Variants in TMEM39A observed in about 807,000 individuals in gnomAD.
TMEM39A encodes transmembrane protein 39A, also known as suppressor of SQST-1 aggregates in rpl-43 mutants.
TMEM39A carries 19 observed loss-of-function variants against 51.9 expected under a neutral mutation model. The ratio of observed to expected loss-of-function variants is 0.37; its 90% confidence interval spans 0.26 to 0.54. TMEM39A has a LOEUF of 0.54. Among genes scored for constraint, TMEM39A ranks in the 20% least tolerant of loss-of-function variants. TMEM39A has a pLI of 0.88. For synonymous variants in TMEM39A, 197 were observed against 220.2 expected (o/e 0.89, Z 0.93); for missense variants, 433 against 590.5 (o/e 0.73, Z 2.76).
At chr3:119,432,263 G>A in intron 8 of TMEM39A, 49 bp from the exon 9 acceptor site, 1 of 1,316,840 alleles carries the variant, frequency 7.6e-7, no homozygotes, top group Non-Finnish European at 1.1e-6. Context: ...AAAAGTAATG[G>A]CTACAGTTAT....
intron 3 of TMEM39A, 42 bp from the exon 4 acceptor site, chr3:119,452,572 G>T: frequency 2.0e-6 from 3 of 1,514,064 alleles, no homozygotes; most frequent in Middle Eastern, 1.7e-4. Context: ...GAAATATGAT[G>T]TGTATTCAGC....
intron 4 of TMEM39A, chr3:119,451,415 G>A: frequency 1.4e-6 from 1 of 739,062 alleles, no homozygotes; most frequent in Non-Finnish European, 2.0e-6. Flanking sequence ...TAAGTTCCAA[G>A]ATTAAAATTA....
chr3:119,442,117 G>A (rs990104890), intron 5 of TMEM39A, among the ~76,000 whole-genome samples: 43 of 152,106 alleles, frequency 2.8e-4, no homozygotes, highest in African/African-American at 1.0e-3. Flanking sequence ...GAGGCAGGCG[G>A]AGCACCTGAG....
intron 1 of TMEM39A, 136 bp from the exon 2 acceptor site, chr3:119,462,284 T>G: frequency 2.0e-6 from 1 of 510,942 alleles, no homozygotes. Context: ...ACTACTTACG[T>G]TATTCGAATT....
intron 5 of TMEM39A, among the ~76,000 whole-genome samples, chr3:119,440,391 T>C (rs1296410439): frequency 6.6e-6 from 1 of 152,182 alleles, no homozygotes; most frequent in Non-Finnish European, 1.5e-5. Flanking sequence ...AGTAACATGA[T>C]TAAATTTCCC....
chr3:119,455,502 A>C (rs1050886783), intron 3 of TMEM39A, among the ~76,000 whole-genome samples: 1 of 152,214 alleles, frequency 6.6e-6, no homozygotes. Flanking sequence ...ACTTTCTTGC[A>C]ACTCAGACTC....
rs10653676 is a variant in TMEM39A, at chr3:119,451,830, C to CAAAAA, written c.420+612_420+616dup. 5.3e-3 allele frequency among the ~76,000 whole-genome samples: 288 copies of CAAAAA among 53,842 alleles called. 6 individuals carry two copies. The highest frequency in any genetic ancestry group is 0.019 in the African/African-American group (229 of 12,048). The allele number at this position is 53,842 out of a possible 152,430, so 35.3% of individuals were successfully genotyped here. A position where few individuals can be genotyped will look rare whatever the true frequency, so the allele number is the denominator to read the frequency against. On this transcript the variant is annotated intron_variant, in intron 4 of 8. Coordinates refer to ENST00000319172, the MANE Select transcript of TMEM39A (RefSeq NM_018266.3). ...GGGCAACAAGAGTGAAACTCCGTCT[C>CAAAAA]AAAAAAAAAAAAAAAAAAAAAAGGA...
At chr3:119,434,186 A>T (rs1237107988) in intron 8 of TMEM39A, among the ~76,000 whole-genome samples, 1 of 152,196 alleles carries the variant, frequency 6.6e-6, no homozygotes, top group Non-Finnish European at 1.5e-5. Flanking sequence ...AGGCTGAAAG[A>T]CCAAATAGAT....
intron 5 of TMEM39A, among the ~76,000 whole-genome samples, chr3:119,441,566 C>T (rs12493175): frequency 0.15 from 22,097 of 152,198 alleles, 2,014 homozygotes; most frequent in Admixed American, 0.2. Context: ...AGGTTAACAG[C>T]GGTTAGTTCG....
At chr3:119,446,378 T>C (rs1315197755) in intron 5 of TMEM39A, among the ~76,000 whole-genome samples, 3 of 112,036 alleles carry the variant, frequency 2.7e-5, no homozygotes, top group African/African-American at 7.9e-5. Context: ...ACTAAGCAAC[T>C]AATTGACAGG....
At chr3:119,450,482 T>C (rs964223738) in intron 4 of TMEM39A, among the ~76,000 whole-genome samples, 3 of 152,184 alleles carry the variant, frequency 2.0e-5, no homozygotes, top group Admixed American at 6.5e-5. Flanking sequence ...AAGACTTTGA[T>C]AAAACGATGT....
At chr3:119,440,947 T>C (rs1219984150) in intron 5 of TMEM39A, among the ~76,000 whole-genome samples, 1 of 152,160 alleles carries the variant, frequency 6.6e-6, no homozygotes, top group East Asian at 1.9e-4. Flanking sequence ...TCCCAATATT[T>C]CAAACTTTTT....
chr3:119,450,369 A>G (rs898605434), intron 4 of TMEM39A, among the ~76,000 whole-genome samples: 2 of 152,254 alleles, frequency 1.3e-5, no homozygotes, highest in Non-Finnish European at 2.9e-5. Flanking sequence ...GTCAATACAT[A>G]AACACATTTT....
chr3:119,451,233 T>A, intron 4 of TMEM39A: 1 of 1,280,734 alleles, frequency 7.8e-7, no homozygotes, highest in Non-Finnish European at 1.0e-6. Flanking sequence ...TAACTTCAAA[T>A]GGTTTTCAGA....
chr3:119,434,817 G>A lies in TMEM39A; in HGVS notation c.1178C>T (p.Ala393Val). The A allele has an allele frequency of 6.2e-7, 1 of 1,613,798 alleles. No homozygotes were observed. The highest frequency in any genetic ancestry group is 8.5e-7 in the Non-Finnish European group (1 of 1,179,716). The change falls in exon 8 of 9, where the codon GCC becomes GTC. Residue 393 changes from alanine to valine, a missense_variant. Transcript: ENST00000319172. ...CACTGCCACGTTGTAAGGCCCCATGGCTCTATATAAACATCTGCTGTGCCG... is the reference window on the plus strand; with the variant it reads ...CACTGCCACGTTGTAAGGCCCCATGACTCTATATAAACATCTGCTGTGCCG... ...LVRHSRCLYR[A>V]MGPYNVAVPS... is the part of the protein sequence containing the mutation.
intron 3 of TMEM39A, among the ~76,000 whole-genome samples, chr3:119,454,293 CAA>C (rs2081237242): frequency 6.6e-6 from 1 of 152,174 alleles, no homozygotes; most frequent in South Asian, 2.1e-4. Flanking sequence ...GCCAGAATGT[CAA>C]GAGTGGCTTG....
chr3:119,459,420 G>C (rs1310446484), intron 2 of TMEM39A, among the ~76,000 whole-genome samples: 3 of 152,162 alleles, frequency 2.0e-5, no homozygotes, highest in African/African-American at 7.2e-5. Flanking sequence ...GGCATAAAGA[G>C]GAATAGAAGA....
chr3:119,456,698 C>T (rs977188940), intron 3 of TMEM39A, among the ~76,000 whole-genome samples: 9 of 152,236 alleles, frequency 5.9e-5, no homozygotes, highest in Non-Finnish European at 1.3e-4. Context: ...TCTTGATCTC[C>T]TGGGCTCAGG....
Position 119,431,375 on chromosome 3 carries a change from C to T in TMEM39A, c.*606G>A, listed in dbSNP as rs1190609942. The T allele has an allele frequency of 6.6e-6, 1 of 152,144 alleles. No individual in the cohort carries two copies. The highest frequency in any genetic ancestry group is 1.5e-5 in the Non-Finnish European group (1 of 68,030). 9.4% of individuals were successfully genotyped at this position (152,144 alleles called of 1,614,324 possible). ...GGAAAAGTGGCAGCAAAACCCTCAG[C>T]CTCAGGATAGTAGCTTATTCAAAAG... On this transcript the variant is annotated 3_prime_UTR_variant, in exon 9 of 9. Coordinates refer to ENST00000319172, the MANE Select transcript of TMEM39A (RefSeq NM_018266.3).
Sources: allele counts gnomAD v4.1 joint callset (sites outside exome capture counted in the v4.1 genomes callset), GRCh38; gene constraint gnomAD v4.1.1; transcripts MANE v1.5; gene names NCBI Gene and HGNC (gene_info 2026-07-23, HGNC 2026-07-21).